MGAT4C: variants seen among roughly 807,000 people sequenced by gnomAD.
MGAT4C encodes the protein MGAT4 family member C.
A neutral mutation model predicts 40.1 loss-of-function variants in MGAT4C; 19 were observed. That is an observed-to-expected ratio of 0.47 (90% CI 0.33 to 0.70). The LOEUF (loss-of-function observed/expected upper bound fraction) is 0.70, where lower values mean the gene tolerates loss of function less well. MGAT4C is among the 30% of genes least tolerant of loss of function. MGAT4C has a pLI of 0.02. For synonymous variants in MGAT4C, 181 were observed against 187.1 expected (o/e 0.97, Z 0.27); for missense variants, 491 against 563.2 (o/e 0.87, Z 1.30).
intron 2 of MGAT4C, among the ~76,000 whole-genome samples, chr12:86,012,928 A>C (rs1888650945): frequency 6.6e-6 from 1 of 151,560 alleles, no homozygotes; most frequent in Non-Finnish European, 1.5e-5. Context: ...GTTTGCGACC[A>C]GGGTGGGCAA....
intron 3 of MGAT4C, among the ~76,000 whole-genome samples, chr12:86,386,440 G>A (rs1402342915): frequency 6.6e-6 from 1 of 152,180 alleles, no homozygotes; most frequent in Non-Finnish European, 1.5e-5. Flanking sequence ...GACAGGAAGT[G>A]CTCACTGATG....
chr12:86,648,494 AGAG>A (rs907562596), intron 2 of MGAT4C, among the ~76,000 whole-genome samples: 3 of 151,820 alleles, frequency 2.0e-5, no homozygotes, highest in Non-Finnish European at 4.4e-5. Flanking sequence ...CTTGTGAAAA[AGAG>A]GAGGAGTCAC....
At chr12:86,184,633 T>G (rs1343330657) in intron 1 of MGAT4C, among the ~76,000 whole-genome samples, 12 of 82,574 alleles carry the variant, frequency 1.5e-4, no homozygotes, top group Middle Eastern at 5.1e-3. Context: ...TTTTCTTTTT[T>G]TTTCTCTTCC....
intron 2 of MGAT4C, among the ~76,000 whole-genome samples, chr12:86,630,101 T>G (rs1177555702): frequency 6.6e-6 from 1 of 151,782 alleles, no homozygotes; most frequent in Admixed American, 6.6e-5. Context: ...AATACAAACT[T>G]CCATCAGAGA....
At chr12:86,777,562 G>A (rs2136177961) in intron 1 of MGAT4C, among the ~76,000 whole-genome samples, 1 of 152,298 alleles carries the variant, frequency 6.6e-6, no homozygotes, top group East Asian at 1.9e-4. Flanking sequence ...TCTGAATCTT[G>A]TGGTTGGAAA....
At chr12:86,804,111 T>C (rs1257798443) in intron 1 of MGAT4C, among the ~76,000 whole-genome samples, 1 of 151,184 alleles carries the variant, frequency 6.6e-6, no homozygotes, top group African/African-American at 2.4e-5. Context: ...TTCACGTCCT[T>C]TGTAGGGACA....
At chr12:86,311,078 C>G (rs910749625) in intron 4 of MGAT4C, among the ~76,000 whole-genome samples, 103 of 152,244 alleles carry the variant, frequency 6.8e-4, no homozygotes, top group African/African-American at 2.3e-3. Context: ...TAGCACAAAG[C>G]TCTCCATTAG....
rs549840809 is a variant in MGAT4C at position 86,743,050 on chromosome 12, G to A, written c.-261-15809C>T. Among the ~76,000 whole-genome samples, 5 of 150,516 alleles carry A rather than the reference G, an allele frequency of 3.3e-5. No homozygotes were observed. The East Asian group carries it at 9.9e-4, about 30-fold the overall frequency. On this transcript the variant is annotated intron_variant, in intron 1 of 7. Coordinates refer to the MGAT4C transcript ENST00000548651. Reference sequence around the variant, plus strand: ...GTGTATGTGTATGTGTGTTTTGCATGTGTGTATGTGTATGTGTGTATGCAT... The same window carrying A: ...GTGTATGTGTATGTGTGTTTTGCATATGTGTATGTGTATGTGTGTATGCAT...
chr12:86,012,918 GTTTGCGA>G (rs1888649349), intron 2 of MGAT4C, among the ~76,000 whole-genome samples: 1 of 151,498 alleles, frequency 6.6e-6, no homozygotes, highest in Non-Finnish European at 1.5e-5. Flanking sequence ...CAGGACAGGT[GTTTGCGA>G]CCAGGGTGGG....
At position 86,409,022 on chromosome 12, in the gene MGAT4C, G is replaced by C. The variant is rs556727593; in HGVS notation, c.-120+26135C>G. On this transcript the variant is annotated intron_variant, in intron 3 of 7. Coordinates refer to the MGAT4C transcript ENST00000548651. ...CCCAGAGTGTGTGTTGGTTGGGCTG[G>C]GGTAGCGTAGTAAGGAAACTAAATA... 3.3e-5 allele frequency among the ~76,000 whole-genome samples: 5 copies of C among 152,058 alleles called. No homozygotes were observed. The South Asian group carries it at 1.0e-3, about 32-fold the overall frequency.
At chr12:86,480,449 T>G (rs1391624262) in intron 2 of MGAT4C, among the ~76,000 whole-genome samples, 2 of 151,144 alleles carry the variant, frequency 1.3e-5, no homozygotes, top group African/African-American at 4.8e-5. Context: ...TGTATACATA[T>G]ATAGATATGT....
chr12:86,752,201 G>A (rs1951239443), intron 1 of MGAT4C, among the ~76,000 whole-genome samples: 1 of 151,964 alleles, frequency 6.6e-6, no homozygotes, highest in Non-Finnish European at 1.5e-5. Flanking sequence ...TTGTCTCTGT[G>A]AGATAAAGCT....
intron 2 of MGAT4C, among the ~76,000 whole-genome samples, chr12:86,634,170 T>C (rs2136510494): frequency 6.6e-6 from 1 of 152,254 alleles, no homozygotes; most frequent in African/African-American, 2.4e-5. Context: ...CTAAAAGCAG[T>C]TCTGATTATT....
Position 85,970,233 on chromosome 12 carries a change from T to A in MGAT4C, c.*9056A>T, listed in dbSNP as rs1237619441. 6.6e-6 allele frequency: 1 copy of A among 151,384 alleles called. No individual in the cohort carries two copies. Among genetic ancestry groups the A allele is most frequent in the Admixed American group, 6.6e-5 (1 of 15,158 alleles). 9.4% of individuals were successfully genotyped at this position (151,384 alleles called of 1,614,324 possible). A position where few individuals can be genotyped will look rare whatever the true frequency, so the allele number is the denominator to read the frequency against. On this transcript the variant is annotated 3_prime_UTR_variant, in exon 5 of 5. Transcript: ENST00000611864. ...TTGATTAAATTAGATAAAATTGTCA[T>A]TTTCCATTGATTTTGTTTATATAAA...
chr12:86,193,113 A>G (rs1454976342), intron 1 of MGAT4C, among the ~76,000 whole-genome samples: 1 of 152,020 alleles, frequency 6.6e-6, no homozygotes, highest in Non-Finnish European at 1.5e-5. Context: ...TAATATATTC[A>G]GATTTAATAA....
At chr12:86,441,112 T>C (rs1419656233) in intron 2 of MGAT4C, among the ~76,000 whole-genome samples, 1 of 151,840 alleles carries the variant, frequency 6.6e-6, no homozygotes, top group Non-Finnish European at 1.5e-5. Flanking sequence ...ATAGAAAAAA[T>C]AATTATAAAA....
chr12:86,088,059 C>G lies in MGAT4C; in HGVS notation c.-56-38336G>C, dbSNP rs544242176. Among the ~76,000 whole-genome samples, 7 of 151,642 alleles carry G rather than the reference C, an allele frequency of 4.6e-5. No individual in the cohort carries two copies. In the East Asian group the frequency reaches 9.7e-4, roughly 21 times the overall value. ...ATAGACCAACAGAACAGAACAGAAC[C>G]CAGAAATAACGCCAAATACCTACAA... On this transcript the variant is annotated intron_variant, in intron 1 of 4. Transcript: ENST00000611864.
intron 1 of MGAT4C, among the ~76,000 whole-genome samples, chr12:86,737,285 C>CT (rs1157510641): frequency 1.3e-5 from 2 of 149,298 alleles, no homozygotes; most frequent in East Asian, 4.0e-4. Flanking sequence ...CAGTACTCAC[C>CT]TTTTTTGGCC....
chr12:86,690,667 AC>A (rs1170835911), intron 2 of MGAT4C, among the ~76,000 whole-genome samples: 1 of 152,048 alleles, frequency 6.6e-6, no homozygotes, highest in Non-Finnish European at 1.5e-5. Flanking sequence ...TGAGCCGGGT[AC>A]CTTAGTTGGA....
Sources: gnomAD v4.1 joint callset for allele counts (sites outside exome capture counted in the v4.1 genomes callset) on GRCh38, gnomAD v4.1.1 for gene constraint, MANE v1.5 for transcripts, NCBI Gene and HGNC (gene_info 2026-07-23, HGNC 2026-07-21) for gene names.